Variants in ECRG4 observed in about 807,000 individuals in gnomAD.
ECRG4 encodes ECRG4 augurin precursor, also known as augurin.
Under a neutral mutation model 15.8 loss-of-function variants are expected in ECRG4, and 18 were observed. The ratio of observed to expected loss-of-function variants is 1.14; its 90% CI spans 0.79 to 1.69. The LOEUF is 1.69. ECRG4 is among the 40% of genes most tolerant of loss of function. The probability of loss-of-function intolerance (pLI) is 0.00; values close to 1 mark genes in which losing one functional copy is unlikely to be tolerated. For synonymous variants in ECRG4, 82 were observed against 73.9 expected (o/e 1.11, Z -0.56); for missense variants, 200 against 190.9 (o/e 1.05, Z -0.28).
At chr2:106,067,069 G>GGC (rs1553411484) in intron 1 of ECRG4, among the ~76,000 whole-genome samples, 1 of 96,392 alleles carries the variant, frequency 1.0e-5, no homozygotes, top group East Asian at 4.1e-4. Context: ...CGGGGGGGGG[G>GGC]GGGGGGCAGA....
At chr2:106,073,300 T>C (rs1676410458) in intron 2 of ECRG4, among the ~76,000 whole-genome samples, 1 of 152,142 alleles carries the variant, frequency 6.6e-6, no homozygotes, top group African/African-American at 2.4e-5. Flanking sequence ...CCTGCATCAA[T>C]GGTCAGACTG....
At chr2:106,072,011 AG>A in intron 2 of ECRG4, 120 bp downstream of exon 2, 1 of 782,442 alleles carries the variant, frequency 1.3e-6, no homozygotes. Context: ...ACTCCTTAAA[AG>A]GTTAGCAGAT....
At chr2:106,065,409 G>T (rs771553589), upstream of ECRG4, among the ~76,000 whole-genome samples, 3 of 152,196 alleles carry the variant, frequency 2.0e-5, no homozygotes, top group Non-Finnish European at 2.9e-5. Context: ...CCCTTCCTTG[G>T]GTCTCCGGAA....
At chr2:106,071,123 TG>T in intron 1 of ECRG4, 1 of 422,274 alleles carries the variant, frequency 2.4e-6, no homozygotes, top group East Asian at 7.1e-5. Context: ...GCTACAAAAC[TG>T]GGCTGCACTT....
chr2:106,072,564 CAGTTATTCTTTCCCTCCT>C (rs1354587346), intron 2 of ECRG4, among the ~76,000 whole-genome samples: 1 of 152,218 alleles, frequency 6.6e-6, no homozygotes, highest in Non-Finnish European at 1.5e-5. Flanking sequence ...ACCATTTAGT[CAGTTATTCTTTCCCTCCT>C]AGTTTGTGGG....
At chr2:106,070,541 A>G (rs1676338644) in intron 1 of ECRG4, among the ~76,000 whole-genome samples, 1 of 152,252 alleles carries the variant, frequency 6.6e-6, no homozygotes, top group Non-Finnish European at 1.5e-5. Flanking sequence ...TGAGGCAGCC[A>G]GCTTGTGACT....
chr2:106,074,707 C>T (rs1332929723), intron 3 of ECRG4, among the ~76,000 whole-genome samples: 1 of 152,196 alleles, frequency 6.6e-6, no homozygotes, highest in Admixed American at 6.5e-5. Flanking sequence ...TCCATGGTGA[C>T]TGAGGAGGCT....
At chr2:106,067,075 G>GGGGGGGGGC in intron 1 of ECRG4, among the ~76,000 whole-genome samples, 1 of 70,824 alleles carries the variant, frequency 1.4e-5, no homozygotes, top group South Asian at 5.1e-4. Context: ...GGGGGGGGGG[G>GGGGGGGGGC]CAGATCACCT....
chr2:106,072,960 C>T (rs111703173), intron 2 of ECRG4, among the ~76,000 whole-genome samples: 3,217 of 152,340 alleles, frequency 0.021, 119 homozygotes, highest in African/African-American at 0.068. Flanking sequence ...ACATATTGAG[C>T]AACTACTGTG....
At chr2:106,067,637 G>GGTTTTT (rs149423508) in intron 1 of ECRG4, among the ~76,000 whole-genome samples, 69,329 of 149,770 alleles carry the variant, frequency 0.46, 16,374 homozygotes, top group South Asian at 0.52. Context: ...GCCCAGCTAA[G>GGTTTTT]GTTTTTGTTT....
chr2:106,072,755 C>A (rs950264918), intron 2 of ECRG4, among the ~76,000 whole-genome samples: 3 of 152,156 alleles, frequency 2.0e-5, no homozygotes, highest in African/African-American at 7.2e-5. Context: ...GAAGCCCTGG[C>A]CCACCCCCAA....
In ECRG4 at chr2:106,073,896, A is replaced by G; in HGVS notation, c.138A>G (p.Pro46=). Residue 46 remains proline, a synonymous_variant, in exon 3 of 4, where the codon CCA becomes CCG. Coordinates refer to ENST00000238044, the MANE Select transcript of ECRG4 (RefSeq NM_032411.3). ...AATTGATGATTTCAGCACCTGTTCC[A>G]ACTAAGACTAAAGTGGCCGTTGATG... ...LMLQKREAPV[P]TKTKVAVDEN... is the part of the protein sequence containing the mutation. 1 of 1,614,230 alleles carries G rather than the reference A, an allele frequency of 6.2e-7. No individual in the cohort carries two copies. The highest frequency in any genetic ancestry group is 8.5e-7 in the Non-Finnish European group (1 of 1,180,026).
At chr2:106,069,692 A>G (rs1478627099) in intron 1 of ECRG4, among the ~76,000 whole-genome samples, 3 of 152,092 alleles carry the variant, frequency 2.0e-5, no homozygotes, top group Non-Finnish European at 2.9e-5. Flanking sequence ...CTTCTCATAT[A>G]ACACATGTTT....
At chr2:106,075,541 G>C (rs1461922750) in intron 3 of ECRG4, among the ~76,000 whole-genome samples, 1 of 152,122 alleles carries the variant, frequency 6.6e-6, no homozygotes, top group Non-Finnish European at 1.5e-5. Flanking sequence ...GGCCAACAGG[G>C]CAAAACCCCG....
chr2:106,077,915 G>C lies in ECRG4; in HGVS notation c.436G>C (p.Asp146His). Reference protein sequence around the residue: ...GFRHGASVNYDDY With the variant: ...GFRHGASVNYHDY ...TAGGCATGGAGCCAGCGTCAACTAC[G>C]ATGACTACTAACCATGACTTGCCAC... Residue 146 changes from aspartate (D) to histidine (H), a missense_variant, in exon 4 of 4, where the codon GAT becomes CAT. By Grantham distance (81) the Asp-to-His change is moderately conservative (BLOSUM62 -1). Coordinates refer to ENST00000238044, the MANE Select transcript of ECRG4 (RefSeq NM_032411.3). 1 of 1,613,946 alleles carries C rather than the reference G, an allele frequency of 6.2e-7. No homozygotes were observed. The highest frequency in any genetic ancestry group is 8.5e-7 in the Non-Finnish European group (1 of 1,179,970).
At position 106,073,945 on chromosome 2, in the gene ECRG4, G is replaced by A; in HGVS notation, c.187G>A (p.Gly63Ser). Residue 63 changes from glycine (G) to serine (S), a missense_variant, in exon 3 of 4, where the codon GGC becomes AGC. Physicochemically the swap from Gly to Ser is moderately conservative, Grantham distance 56. Coordinates refer to ENST00000238044, the MANE Select transcript of ECRG4 (RefSeq NM_032411.3). ...TGAGAATAAAGCCAAAGAATTCCTT[G>A]GCAGCCTGAAGCGCCAGAAGCGGCA... ...VDENKAKEFLGSLKRQKRQLW... is the reference protein window; with the variant it reads ...VDENKAKEFLSSLKRQKRQLW... The A allele has an allele frequency of 1.2e-6, 2 of 1,614,228 alleles. No individual in the cohort carries two copies. The highest frequency in any genetic ancestry group is 2.2e-5 in the South Asian group (2 of 91,090).
rs1676429373 is a variant in ECRG4, at chr2:106,074,006, G to A, written c.248G>A (p.Trp83Ter). The stretch of plus-strand genomic sequence containing the variant: ...CGGACTCGGCCCGAGGTGCAGCAGT[G>A]GTACCAGCAGTTTCTCTACATGGGC... ...WDRTRPEVQQ[W>*]YQQFLYMGFD... is the part of the protein sequence containing the mutation. The change falls in exon 3 of 4, where the codon TGG becomes TAG. Residue 83 changes from tryptophan (W) to a stop codon, truncating the protein, a stop_gained. Coordinates refer to ENST00000238044, the MANE Select transcript of ECRG4 (RefSeq NM_032411.3). LOFTEE classifies it high-confidence loss of function. 1 of 1,613,638 alleles carries A rather than the reference G, an allele frequency of 6.2e-7. No homozygotes were observed. Among genetic ancestry groups the A allele is most frequent in the Non-Finnish European group, 8.5e-7 (1 of 1,180,058 alleles).
intron 1 of ECRG4, among the ~76,000 whole-genome samples, chr2:106,066,902 A>G (rs899449700): frequency 1.3e-5 from 2 of 151,812 alleles, no homozygotes; most frequent in Non-Finnish European, 2.9e-5. Flanking sequence ...TCAGGTGGGG[A>G]GGATTATTGT....
In ECRG4 at chr2:106,074,002, C is replaced by T; in HGVS notation, c.244C>T (p.Gln82Ter). 6.2e-7 allele frequency: 1 copy of T among 1,613,812 alleles called. No individual in the cohort carries two copies. The highest frequency in any genetic ancestry group is 8.5e-7 in the Non-Finnish European group (1 of 1,180,046). ...GGACCGGACTCGGCCCGAGGTGCAG[C>T]AGTGGTACCAGCAGTTTCTCTACAT... is the stretch of plus-strand genomic sequence containing the variant. ...LWDRTRPEVQ[Q>*]WYQQFLYMGF... Residue 82 changes from glutamine (Q) to a stop codon, truncating the protein, a stop_gained, in exon 3 of 4, where the codon CAG (glutamine) becomes TAG (stop). Coordinates refer to ENST00000238044, the MANE Select transcript of ECRG4 (RefSeq NM_032411.3). LOFTEE classifies it high-confidence loss of function.
Sources: allele counts gnomAD v4.1 joint callset (sites outside exome capture counted in the v4.1 genomes callset), GRCh38; gene constraint gnomAD v4.1.1; transcripts MANE v1.5; gene names NCBI Gene and HGNC (gene_info 2026-07-23, HGNC 2026-07-21).